RNF212B: variants seen among roughly 807,000 people sequenced by gnomAD.
RNF212B encodes the protein ring finger protein 212B.
Under a neutral mutation model 55.5 loss-of-function variants are expected in RNF212B, and 52 were observed. The observed-to-expected ratio is 0.94, with a 90% CI of 0.75 to 1.18. RNF212B has a LOEUF of 1.18. Ranked by LOEUF, RNF212B falls within the 50% of genes most tolerant of loss-of-function variation. The pLI is 0.00. For synonymous variants in RNF212B, 99 were observed against 121.4 expected (o/e 0.82, Z 1.21); for missense variants, 289 against 350.4 (o/e 0.82, Z 1.40).
chr14:23,235,767 A>C (rs76878940), upstream of RNF212B, among the ~76,000 whole-genome samples: 1,220 of 152,334 alleles, frequency 8.0e-3, 15 homozygotes, highest in African/African-American at 0.027. Context: ...AACTCAGTGA[A>C]CCAAAATTTT....
chr14:23,228,609 A>G (rs974326089), intron 2 of RNF212B, among the ~76,000 whole-genome samples: 1 of 152,100 alleles, frequency 6.6e-6, no homozygotes, highest in African/African-American at 2.4e-5. Flanking sequence ...TGATCACATT[A>G]ACGCAATCCA....
intron 11 of RNF212B, 69 bp from the exon 12 acceptor site, chr14:23,268,855 C>T: frequency 7.6e-7 from 1 of 1,313,294 alleles, no homozygotes; most frequent in African/African-American, 1.5e-5. Context: ...TTTGCCCTGG[C>T]CCCAAGTATA....
At chr14:23,193,944 C>A (rs1019442472) in intron 2 of RNF212B, among the ~76,000 whole-genome samples, 1 of 152,104 alleles carries the variant, frequency 6.6e-6, no homozygotes, top group Non-Finnish European at 1.5e-5. Context: ...TGGGTTCAAG[C>A]GATTCTCCTG....
intron 3 of RNF212B, among the ~76,000 whole-genome samples, chr14:23,243,515 G>T (rs1216035892): frequency 1.3e-5 from 2 of 150,356 alleles, no homozygotes; most frequent in Non-Finnish European, 3.0e-5. Context: ...GGGCAACATA[G>T]TGAAACCCTG....
intron 2 of RNF212B, among the ~76,000 whole-genome samples, chr14:23,197,414 C>T (rs1400435506): frequency 1.3e-5 from 2 of 152,130 alleles, no homozygotes; most frequent in Admixed American, 1.3e-4. Context: ...GTAGTCCCAG[C>T]TACTTGGGAG....
rs368498700 is a variant in RNF212B at position 23,273,456 on chromosome 14, C to T, written c.*565C>T. On this transcript the variant is annotated 3_prime_UTR_variant, in exon 15 of 15. Transcript: ENST00000430154. Reference sequence around the variant, plus strand: ...TAGTATATAGATAGTAAAATAAAGACGATGCCCTTTTATTGCTACAATTCT... The same window carrying T: ...TAGTATATAGATAGTAAAATAAAGATGATGCCCTTTTATTGCTACAATTCT... 3 of 152,290 alleles carry T rather than the reference C, an allele frequency of 2.0e-5. No individual in the cohort carries two copies. Among genetic ancestry groups the T allele is most frequent in the South Asian group, 2.1e-4 (1 of 4,828 alleles). 9.4% of individuals were successfully genotyped at this position (152,290 alleles called of 1,614,324 possible). A position where few individuals can be genotyped will look rare whatever the true frequency, so the allele number is the denominator to read the frequency against.
At chr14:23,227,318 T>C (rs1882124851) in intron 2 of RNF212B, among the ~76,000 whole-genome samples, 1 of 152,118 alleles carries the variant, frequency 6.6e-6, no homozygotes. Context: ...TCTGTAATTA[T>C]TTTAAAACAA....
In RNF212B at chr14:23,246,259, A is replaced by G. The variant is rs148817404; in HGVS notation, c.228+1863A>G. 2.3e-3 allele frequency among the ~76,000 whole-genome samples: 344 copies of G among 152,032 alleles called. 4 individuals are homozygous for G. The highest frequency in any genetic ancestry group is 7.4e-3 in the African/African-American group (309 of 41,492). On this transcript the variant is annotated intron_variant, in intron 4 of 14. Transcript: ENST00000430154. ...AAGCGATTCTCCTGGGGGCAGGGCA[A>G]TTTCAATCTTACTCATCTTATATGT...
rs577736738 is a variant in RNF212B, at chr14:23,271,220, C to T, written c.834+559C>T. On this transcript the variant is annotated intron_variant, in intron 14 of 14. Transcript: ENST00000430154. The stretch of plus-strand genomic sequence containing the variant: ...TTGGGAGGCCGAGGCAGGTGGATAA[C>T]CTGAGGTCAGGAGTTAGAGACCAGC... 9.5e-4 allele frequency among the ~76,000 whole-genome samples: 144 copies of T among 152,136 alleles called. 1 individual carries two copies. The highest frequency in any genetic ancestry group is 1.6e-3 in the Non-Finnish European group (109 of 67,996).
intron 2 of RNF212B, among the ~76,000 whole-genome samples, chr14:23,218,224 C>A (rs907925899): frequency 6.6e-6 from 1 of 151,532 alleles, no homozygotes; most frequent in Admixed American, 6.6e-5. Flanking sequence ...AAAAATTAGC[C>A]GGGCGTGGTG....
At chr14:23,241,383 G>A (rs1054512690) in intron 2 of RNF212B, among the ~76,000 whole-genome samples, 3 of 152,180 alleles carry the variant, frequency 2.0e-5, no homozygotes, top group African/African-American at 7.2e-5. Flanking sequence ...GGGCTAAAGA[G>A]CCTGAACTTC....
In RNF212B at chr14:23,260,752, G is replaced by A. The variant is rs756103857; in HGVS notation, c.434+65G>A. 383 of 1,383,738 alleles carry A rather than the reference G, an allele frequency of 2.8e-4. 3 individuals are homozygous for A. Among genetic ancestry groups the A allele is most frequent in the South Asian group, 2.5e-3 (199 of 80,294 alleles). 85.7% of individuals were successfully genotyped at this position (1,383,738 alleles called of 1,614,324 possible). A position where few individuals can be genotyped will look rare whatever the true frequency, so the allele number is the denominator to read the frequency against. On this transcript the variant is annotated intron_variant, in intron 7 of 14. Coordinates refer to ENST00000430154, the MANE Select transcript of RNF212B (RefSeq NM_001282322.3). Reference sequence around the variant, plus strand: ...AAATTCCTGTTCTTTCTTGACTCCTGGCTGTGTGAACTCTGAGAGAGAGAA... The same window carrying A: ...AAATTCCTGTTCTTTCTTGACTCCTAGCTGTGTGAACTCTGAGAGAGAGAA...
chr14:23,204,993 T>C (rs1035282369), intron 2 of RNF212B, among the ~76,000 whole-genome samples: 1 of 152,196 alleles, frequency 6.6e-6, no homozygotes, highest in African/African-American at 2.4e-5. Context: ...TAAAAAAAGT[T>C]TTAACTCAGT....
At chr14:23,246,698 G>A (rs1309897183) in intron 4 of RNF212B, among the ~76,000 whole-genome samples, 2 of 152,128 alleles carry the variant, frequency 1.3e-5, no homozygotes, top group Admixed American at 1.3e-4. Flanking sequence ...AAAGTGCCAG[G>A]ATTACAGGTG....
At chr14:23,272,264 C>CAAA (rs1384053480) in intron 14 of RNF212B, among the ~76,000 whole-genome samples, 2 of 151,876 alleles carry the variant, frequency 1.3e-5, no homozygotes, top group African/African-American at 2.4e-5. Flanking sequence ...AAAAAAAGTA[C>CAAA]AAAAAATTAG....
intron 4 of RNF212B, among the ~76,000 whole-genome samples, chr14:23,248,590 C>T (rs557721781): frequency 9.3e-5 from 14 of 150,680 alleles, no homozygotes; most frequent in African/African-American, 2.9e-4. Context: ...TACGGGCATG[C>T]GCCACCACAC....
intron 11 of RNF212B, among the ~76,000 whole-genome samples, chr14:23,267,201 C>T (rs1379332035): frequency 2.0e-5 from 3 of 152,062 alleles, no homozygotes; most frequent in Non-Finnish European, 2.9e-5. Flanking sequence ...TGGCTGGTCT[C>T]GAACTCCTGG....
chr14:23,257,298 T>C (rs1884917139), intron 4 of RNF212B, among the ~76,000 whole-genome samples: 1 of 152,218 alleles, frequency 6.6e-6, no homozygotes, highest in Non-Finnish European at 1.5e-5. Flanking sequence ...TCTGAGATTA[T>C]AGGCATGATC....
chr14:23,246,908 C>A (rs1048046833), intron 4 of RNF212B, among the ~76,000 whole-genome samples: 1 of 152,150 alleles, frequency 6.6e-6, no homozygotes, highest in South Asian at 2.1e-4. Flanking sequence ...TTGAAGGCCA[C>A]GGTGGGTGGA....
Sources: gnomAD v4.1 joint callset for allele counts (sites outside exome capture counted in the v4.1 genomes callset) on GRCh38, gnomAD v4.1.1 for gene constraint, MANE v1.5 for transcripts, NCBI Gene and HGNC (gene_info 2026-07-23, HGNC 2026-07-21) for gene names.